The following ABCB11 variants were observed in gnomAD, a reference collection of about 807,000 sequenced individuals.
The protein encoded by ABCB11 is bile salt export pump.
ABCB11 carries 95 observed loss-of-function variants against 148.0 expected under a neutral mutation model. The ratio of observed to expected loss-of-function variants is 0.64; its 90% CI spans 0.54 to 0.76. The LOEUF is 0.76. ABCB11 is among the 30% of genes least tolerant of loss of function. ABCB11 has a pLI of 0.00. For synonymous variants in ABCB11, 591 were observed against 555.4 expected (o/e 1.06, Z -0.90); for missense variants, 1,523 against 1,617.8 (o/e 0.94, Z 1.01).
At chr2:168,999,050 T>A (rs1162589727) in intron 5 of ABCB11, among the ~76,000 whole-genome samples, 1 of 151,992 alleles carries the variant, frequency 6.6e-6, no homozygotes, top group Non-Finnish European at 1.5e-5. Context: ...CCAGGAAGGA[T>A]TCTATAAAGT....
intron 1 of ABCB11, among the ~76,000 whole-genome samples, chr2:169,027,891 T>C (rs1695747640): frequency 2.0e-5 from 3 of 152,010 alleles, no homozygotes; most frequent in African/African-American, 4.8e-5. Context: ...GCTATTGGTA[T>C]TGTAGAAGAA....
chr2:169,001,764 G>A (rs908910615), intron 5 of ABCB11, among the ~76,000 whole-genome samples: 4 of 152,058 alleles, frequency 2.6e-5, no homozygotes, highest in African/African-American at 9.7e-5. Flanking sequence ...AGTCTTTTTG[G>A]TCTGCACTCA....
intron 5 of ABCB11, among the ~76,000 whole-genome samples, chr2:169,009,990 T>C (rs990567025): frequency 2.6e-5 from 4 of 152,176 alleles, no homozygotes; most frequent in Non-Finnish European, 5.9e-5. Flanking sequence ...CCTAGATTTC[T>C]GCATTGATTT....
At chr2:168,983,614 T>A (rs112418241) in intron 10 of ABCB11, among the ~76,000 whole-genome samples, 1 of 152,214 alleles carries the variant, frequency 6.6e-6, no homozygotes, top group African/African-American at 2.4e-5. Context: ...TTGTGTATTA[T>A]CATGTTCTTA....
intron 5 of ABCB11, among the ~76,000 whole-genome samples, chr2:169,006,983 A>T (rs530155229): frequency 6.6e-6 from 1 of 152,232 alleles, no homozygotes; most frequent in East Asian, 1.9e-4. Context: ...TACAGAGTCA[A>T]TGCAATTCCT....
chr2:169,000,430 G>T (rs1205295012), intron 5 of ABCB11, among the ~76,000 whole-genome samples: 2 of 151,942 alleles, frequency 1.3e-5, no homozygotes, highest in African/African-American at 4.8e-5. Flanking sequence ...AGTTTTATTT[G>T]TTACATATAA....
chr2:168,991,965 G>A (rs1413498140), intron 8 of ABCB11, among the ~76,000 whole-genome samples: 2 of 150,470 alleles, frequency 1.3e-5, no homozygotes, highest in Admixed American at 6.6e-5. Context: ...AGCCTCCTGG[G>A]TATCCGAGAC....
chr2:168,969,622 C>T, intron 15 of ABCB11, 71 bp from the exon 16 acceptor site: 1 of 1,353,666 alleles, frequency 7.4e-7, no homozygotes, highest in Admixed American at 2.0e-5. Flanking sequence ...TGCATCATTT[C>T]AGAATCCATA....
In ABCB11 at chr2:168,921,456, C is replaced by T. The variant is rs1198088021; in HGVS notation, c.*2166G>A. On this transcript the variant is annotated 3_prime_UTR_variant, in exon 28 of 28. Coordinates refer to ENST00000650372, the MANE Select transcript of ABCB11 (RefSeq NM_003742.4). ...GGGAACCGTGGGTGCAGTCCTGCTC[C>T]CAAGGTTTTCATTTCTGTGACAAGA... Among the ~76,000 whole-genome samples the T allele has an allele frequency of 3.3e-5, 5 of 152,020 alleles. No individual in the cohort carries two copies. In the East Asian group the frequency reaches 9.6e-4, roughly 29 times the overall value.
Position 168,993,754 on chromosome 2 carries a change from GAAATAATAACCA to G in ABCB11, c.728_739del (p.Leu243_Ile246del), listed in dbSNP as rs1167385353. The G allele has an allele frequency of 6.2e-7, 1 of 1,610,244 alleles. No homozygotes were observed. Among genetic ancestry groups the G allele is most frequent in the Non-Finnish European group, 8.5e-7 (1 of 1,178,176 alleles). On this transcript the variant is annotated inframe_deletion, in exon 8 of 28. Transcript: ENST00000650372. ...TCCAATCCCAATGAGAGGGCTGACA[GAAATAATAACCA>G]AGGTCAGTTTCCAACCCCTGAAAAA...
At chr2:168,938,911 AT>A (rs528342262) in intron 21 of ABCB11, among the ~76,000 whole-genome samples, 4 of 151,864 alleles carry the variant, frequency 2.6e-5, no homozygotes, top group Admixed American at 6.6e-5. Flanking sequence ...ATATATTTTA[AT>A]TTTTTTCTTT....
intron 16 of ABCB11, 59 bp downstream of exon 16, chr2:168,969,291 A>C (rs1693463190): frequency 1.4e-6 from 2 of 1,468,446 alleles, no homozygotes; most frequent in African/African-American, 1.4e-5. Context: ...GAAAACCGTA[A>C]AGCACTATAG....
Position 169,016,816 on chromosome 2 carries a change from T to A in ABCB11, c.77-17A>T, listed in dbSNP as rs1160543037. 1.9e-6 allele frequency: 3 copies of A among 1,567,210 alleles called. No homozygotes were observed. The South Asian group carries it at 3.6e-5, about 19-fold the overall frequency. On this transcript the variant is annotated splice_polypyrimidine_tract_variant and intron_variant, in intron 2 of 27. Transcript: ENST00000650372. Reference sequence around the variant, plus strand: ...CATTATTATCTGTCAGAAAAAAAAATCAACGCAAAAAAGCAGTTAATAATA... The same window carrying A: ...CATTATTATCTGTCAGAAAAAAAAAACAACGCAAAAAAGCAGTTAATAATA...
At chr2:169,011,849 G>C (rs1695198098) in intron 5 of ABCB11, among the ~76,000 whole-genome samples, 1 of 152,072 alleles carries the variant, frequency 6.6e-6, no homozygotes, top group African/African-American at 2.4e-5. Context: ...AATTTTTGTA[G>C]AGACAGGGTC....
At chr2:168,998,990 A>T (rs920070525) in intron 5 of ABCB11, among the ~76,000 whole-genome samples, 5 of 152,084 alleles carry the variant, frequency 3.3e-5, no homozygotes, top group Non-Finnish European at 7.4e-5. Flanking sequence ...TTGACTGCAT[A>T]CCAAGGTCTT....
intron 9 of ABCB11, among the ~76,000 whole-genome samples, chr2:168,990,001 T>C (rs1694459523): frequency 6.6e-6 from 1 of 152,156 alleles, no homozygotes. Flanking sequence ...TGCTATTCAA[T>C]TTGGTTTACT....
intron 5 of ABCB11, among the ~76,000 whole-genome samples, chr2:169,006,045 T>C (rs1315317272): frequency 6.6e-6 from 1 of 152,090 alleles, no homozygotes; most frequent in East Asian, 1.9e-4. Context: ...TGCCAAACTA[T>C]CAGGCCAGAA....
rs115233753 is a variant in ABCB11 at position 168,941,569 on chromosome 2, A to T, written c.2610+3036T>A. On this transcript the variant is annotated intron_variant, in intron 21 of 27. Coordinates refer to ENST00000650372, the MANE Select transcript of ABCB11 (RefSeq NM_003742.4). ...AGCAGTTGCTTCTTATGGATAAGCAAACTGGTTTCTTGAGATGAAATCCAC... is the reference window on the plus strand; with the variant it reads ...AGCAGTTGCTTCTTATGGATAAGCATACTGGTTTCTTGAGATGAAATCCAC... Among the ~76,000 whole-genome samples, 331 of 152,232 alleles carry T rather than the reference A, an allele frequency of 2.2e-3. 3 individuals carry two copies. Among genetic ancestry groups the T allele is most frequent in the African/African-American group, 6.7e-3 (277 of 41,572 alleles).
At chr2:168,986,043 C>A in intron 10 of ABCB11, 67 bp downstream of exon 10, 1 of 1,269,746 alleles carries the variant, frequency 7.9e-7, no homozygotes, top group Non-Finnish European at 1.0e-6. Context: ...AACAAAATAT[C>A]TAATCCATGG....
Sources: allele counts gnomAD v4.1 joint callset (sites outside exome capture counted in the v4.1 genomes callset), GRCh38; gene constraint gnomAD v4.1.1; transcripts MANE v1.5; gene names NCBI Gene and HGNC (gene_info 2026-07-23, HGNC 2026-07-21).